PEAK1: variants seen among roughly 807,000 people sequenced by gnomAD.
The protein encoded by PEAK1 is inactive tyrosine-protein kinase PEAK1.
A neutral mutation model predicts 124.7 loss-of-function variants in PEAK1; 54 were observed. That is an observed-to-expected ratio of 0.43 (90% confidence interval 0.35 to 0.54). The LOEUF (loss-of-function observed/expected upper bound fraction) is 0.54. PEAK1 is among the 20% of genes least tolerant of loss of function. PEAK1 has a pLI of 0.01. For synonymous variants in PEAK1, 719 were observed against 760.0 expected (o/e 0.95, Z 0.89); for missense variants, 2,046 against 2,134.5 (o/e 0.96, Z 0.82).
At chr15:77,383,117 G>A (rs188435808) in intron 1 of PEAK1, among the ~76,000 whole-genome samples, 39 of 150,398 alleles carry the variant, frequency 2.6e-4, no homozygotes, top group East Asian at 1.8e-3. Context: ...TCCGTTGCCC[G>A]GGTTCAAGCA....
At chr15:77,349,290 C>T (rs71407208) in intron 2 of PEAK1, 156,403 of 767,830 alleles carry the variant, frequency 0.2, 16,869 homozygotes, top group Middle Eastern at 0.23. Flanking sequence ...CTGCCCGCCT[C>T]GGCCTCCCAA....
chr15:77,401,884 A>C (rs2071400841), intron 1 of PEAK1: 3 of 985,366 alleles, frequency 3.0e-6, no homozygotes, highest in Non-Finnish European at 3.6e-6. Context: ...GGCAGAAGCA[A>C]GATACAGAAG....
intron 6 of PEAK1, among the ~76,000 whole-genome samples, chr15:77,206,245 G>A (rs1596607867): frequency 6.9e-6 from 1 of 145,014 alleles, no homozygotes; most frequent in Middle Eastern, 3.5e-3. Flanking sequence ...ATTTGGGTTC[G>A]TTCCAAGTCT....
At chr15:77,171,009 G>A (rs2056464708) in intron 7 of PEAK1, among the ~76,000 whole-genome samples, 1 of 152,078 alleles carries the variant, frequency 6.6e-6, no homozygotes, top group Non-Finnish European at 1.5e-5. Context: ...ACATAGAAAT[G>A]GTGCCTGGGT....
At chr15:77,135,384 TGA>T (rs2053228466) in intron 8 of PEAK1, among the ~76,000 whole-genome samples, 1 of 152,206 alleles carries the variant, frequency 6.6e-6, no homozygotes, top group Non-Finnish European at 1.5e-5. Context: ...GGATAAGTTC[TGA>T]GAGAGTTAGG....
At position 77,337,666 on chromosome 15, in the gene PEAK1, T is replaced by C. The variant is rs1415579885; in HGVS notation, c.-603+27497A>G. 7.1e-6 allele frequency: 7 copies of C among 985,360 alleles called. No homozygotes were observed. In the East Asian group the frequency reaches 3.4e-4, roughly 48 times the overall value. 61.0% of individuals were successfully genotyped at this position (985,360 alleles called of 1,614,324 possible). On this transcript the variant is annotated intron_variant, in intron 2 of 9. Transcript: ENST00000682557. The stretch of plus-strand genomic sequence containing the variant: ...AGATGAAATCTAAAACCATGGCATA[T>C]GCAAAAAATTAACCCGGAAAAGTCA...
intron 2 of PEAK1, among the ~76,000 whole-genome samples, chr15:77,354,913 C>T (rs1158844024): frequency 6.6e-6 from 1 of 151,996 alleles, no homozygotes; most frequent in Non-Finnish European, 1.5e-5. Context: ...GTGGTGGGCA[C>T]CTGTAGTCCC....
rs371999791 is a variant in PEAK1 at position 77,350,144 on chromosome 15, T to C, written c.-603+15019A>G. On this transcript the variant is annotated intron_variant, in intron 2 of 9. Coordinates refer to ENST00000682557, the MANE Select transcript of PEAK1 (RefSeq NM_001385026.1). ...AAAGCCACTTCGAAAGATGTGAAAA[T>C]GCATGCACAAAAGTAATCTCTGAGT... 12 of 985,292 alleles carry C rather than the reference T, an allele frequency of 1.2e-5. No homozygotes were observed. In the African/African-American group the frequency reaches 1.2e-4, roughly 10 times the overall value. The allele number at this position is 985,292 out of a possible 1,614,324, so 61.0% of individuals were successfully genotyped here.
At chr15:77,335,655 G>A (rs916715106) in intron 2 of PEAK1, 18 of 668,360 alleles carry the variant, frequency 2.7e-5, no homozygotes, top group Middle Eastern at 7.3e-4. Context: ...ATTTTTTGCT[G>A]CTGTTGTAAA....
intron 7 of PEAK1, among the ~76,000 whole-genome samples, chr15:77,169,885 T>C (rs967544851): frequency 2.0e-5 from 3 of 152,108 alleles, no homozygotes. Context: ...GGAAGAGTTG[T>C]GATGGAACAG....
At position 77,133,015 on chromosome 15, in the gene PEAK1, T is replaced by C. The variant is rs747158187; in HGVS notation, c.4067A>G (p.Tyr1356Cys). The C allele has an allele frequency of 6.2e-7, 1 of 1,605,794 alleles. No individual in the cohort carries two copies. The highest frequency in any genetic ancestry group is 8.5e-7 in the Non-Finnish European group (1 of 1,173,272). ...ASYAKDPLNN[Y>C]AVKICKSKAK... The stretch of plus-strand genomic sequence containing the variant: ...ATAATATTTTCTTACCTTGACTGCA[T>C]AGTTATTAAGTGGATCTTTTGCATA... Residue 1356 changes from tyrosine (Y) to cysteine (C), a missense_variant, in exon 9 of 10, where the codon TAT becomes TGT. Physicochemically the swap from Tyr to Cys is radical, Grantham distance 194 (BLOSUM62 -2). Transcript: ENST00000682557. The surrounding 1 kb of genome is among the most constrained non-coding windows in gnomAD (Gnocchi z 4.2).
At chr15:77,415,570 T>C (rs1396382640) in intron 1 of PEAK1, among the ~76,000 whole-genome samples, 1 of 152,180 alleles carries the variant, frequency 6.6e-6, no homozygotes, top group South Asian at 2.1e-4. Context: ...CTCACATACA[T>C]TGTTTAAAAA....
intron 5 of PEAK1, among the ~76,000 whole-genome samples, chr15:77,272,507 T>C (rs1269960612): frequency 6.6e-6 from 1 of 152,032 alleles, no homozygotes; most frequent in Non-Finnish European, 1.5e-5. Flanking sequence ...ACTAGAAAAC[T>C]AGAGGAGATG....
At chr15:77,225,149 G>A (rs2059573204) in intron 6 of PEAK1, among the ~76,000 whole-genome samples, 1 of 151,918 alleles carries the variant, frequency 6.6e-6, no homozygotes, top group South Asian at 2.1e-4. Flanking sequence ...GAAAACGGAG[G>A]CACTTTGAAG....
intron 2 of PEAK1, chr15:77,350,164 C>T: frequency 1.0e-6 from 1 of 985,440 alleles, no homozygotes; most frequent in East Asian, 1.1e-4. Flanking sequence ...AAAGTAATCT[C>T]TGAGTTTTGC....
Position 77,179,428 on chromosome 15 carries a change from C to A in PEAK1, c.2499G>T (p.Gln833His). Residue 833 changes from glutamine (Q) to histidine (H), a missense_variant, in exon 7 of 10, where the codon CAG becomes CAT. By Grantham distance (24) the Gln-to-His change is conservative. Transcript: ENST00000682557. The part of the protein sequence containing the change: ...SQPSGEAEAP[Q>H]TTDSPTTKVQ... ...CTTTGGTGGTAGGACTGTCTGTGGT[C>A]TGAGGTGCTTCAGCCTCACCACTAG... 6.2e-7 allele frequency: 1 copy of A among 1,614,044 alleles called. No homozygotes were observed. The highest frequency in any genetic ancestry group is 8.5e-7 in the Non-Finnish European group (1 of 1,180,004).
chr15:77,360,994 G>A (rs942562203), intron 2 of PEAK1, among the ~76,000 whole-genome samples: 3 of 151,952 alleles, frequency 2.0e-5, no homozygotes, highest in Admixed American at 6.6e-5. Context: ...CCTGAAAAGC[G>A]CAGGCAACTA....
At chr15:77,235,046 T>G (rs1011721728) in intron 6 of PEAK1, among the ~76,000 whole-genome samples, 12 of 152,032 alleles carry the variant, frequency 7.9e-5, no homozygotes, top group Non-Finnish European at 1.6e-4. Flanking sequence ...GTGCCTTGCT[T>G]CCCCTTCACC....
At chr15:77,313,670 G>A (rs1328520450) in intron 2 of PEAK1, among the ~76,000 whole-genome samples, 1 of 113,272 alleles carries the variant, frequency 8.8e-6, no homozygotes, top group African/African-American at 4.3e-5. Flanking sequence ...GTGTGTGTGT[G>A]TGTGTGTGTG....
Sources: allele counts gnomAD v4.1 joint callset (sites outside exome capture counted in the v4.1 genomes callset), GRCh38; gene constraint gnomAD v4.1.1; non-coding constraint Gnocchi (gnomAD v3.1); transcripts MANE v1.5; gene names NCBI Gene and HGNC (gene_info 2026-07-23, HGNC 2026-07-21).